UNC5A: variants seen among roughly 807,000 people sequenced by gnomAD.
UNC5A encodes unc-5 netrin receptor A.
UNC5A carries 20 observed loss-of-function variants against 87.4 expected under a neutral mutation model. That is an observed-to-expected ratio of 0.23 (90% CI 0.16 to 0.33). The LOEUF (loss-of-function observed/expected upper bound fraction) is 0.33. UNC5A is among the 10% of genes least tolerant of loss of function. UNC5A has a pLI of 1.00. For missense variants in UNC5A, 844 were observed against 1,133.4 expected (o/e 0.74, Z 3.67); for synonymous variants, 438 against 482.3 (o/e 0.91, Z 1.20).
In UNC5A at chr5:176,879,838, G is replaced by A; in HGVS notation, c.2481G>A (p.Leu827=). The A allele has an allele frequency of 6.2e-7, 1 of 1,612,492 alleles. No individual in the cohort carries two copies. The highest frequency in any genetic ancestry group is 8.5e-7 in the Non-Finnish European group (1 of 1,179,802). ...AGCTGGCTGCAGCAGTGGCTGGACTGGGCCAGCCAGACGCTGGCCTCTTCA... is the reference window on the plus strand; with the variant it reads ...AGCTGGCTGCAGCAGTGGCTGGACTAGGCCAGCCAGACGCTGGCCTCTTCA... ...LSQLAAAVAG[L]GQPDAGLFTV... The change falls in exon 15 of 15, where the codon CTG becomes CTA. Residue 827 remains leucine, a synonymous_variant. Coordinates refer to ENST00000329542, the MANE Select transcript of UNC5A (RefSeq NM_133369.3).
At chr5:176,856,969 T>G (rs1421373028) in intron 1 of UNC5A, among the ~76,000 whole-genome samples, 4 of 152,202 alleles carry the variant, frequency 2.6e-5, no homozygotes, top group Non-Finnish European at 5.9e-5. Flanking sequence ...CTCCCTGCTG[T>G]CCTCAAACAA....
intron 1 of UNC5A, among the ~76,000 whole-genome samples, chr5:176,861,198 G>A (rs1412641395): frequency 6.6e-6 from 1 of 152,334 alleles, no homozygotes; most frequent in Middle Eastern, 3.4e-3. Flanking sequence ...TGTGGAACAC[G>A]CAGAACCGTG....
Position 176,865,726 on chromosome 5 carries a change from G to T in UNC5A, c.293-2404G>T, listed in dbSNP as rs895202083. The T allele has an allele frequency of 2.2e-6, 1 of 455,366 alleles. No individual in the cohort carries two copies. Among genetic ancestry groups the T allele is most frequent in the Non-Finnish European group, 4.4e-6 (1 of 226,196 alleles). 28.2% of individuals were successfully genotyped at this position (455,366 alleles called of 1,614,324 possible). ...AAACGTTCTGTGGTCAGACAGGTAT[G>T]GCAGGGCTCGGAGGCCCACCCAGCT... On this transcript the variant is annotated intron_variant, in intron 2 of 14. Transcript: ENST00000329542. The surrounding 1 kb of genome is among the most constrained non-coding windows in gnomAD (Gnocchi z 5.3).
In UNC5A at chr5:176,869,789, C is replaced by T. The variant is rs768717798; in HGVS notation, c.722-581C>T. ...GCGCCACCCTGTGCCCAGGTACCAGCGGCCACCGCCTCCCGCATCGTTCCT... is the reference window on the plus strand; with the variant it reads ...GCGCCACCCTGTGCCCAGGTACCAGTGGCCACCGCCTCCCGCATCGTTCCT... On this transcript the variant is annotated intron_variant, in intron 5 of 14. Coordinates refer to ENST00000329542, the MANE Select transcript of UNC5A (RefSeq NM_133369.3). This position sits in a 1 kb window ranked among gnomAD's most constrained non-coding sequence, Gnocchi z 9.1. 45 of 585,938 alleles carry T rather than the reference C, an allele frequency of 7.7e-5. No homozygotes were observed. The highest frequency in any genetic ancestry group is 5.2e-4 in the Middle Eastern group (2 of 3,838). The allele number at this position is 585,938 out of a possible 1,614,324, so 36.3% of individuals were successfully genotyped here.
intron 1 of UNC5A, among the ~76,000 whole-genome samples, chr5:176,837,219 C>A (rs945130690): frequency 1.3e-5 from 2 of 152,202 alleles, no homozygotes; most frequent in African/African-American, 2.4e-5. Flanking sequence ...CAACTTCTGT[C>A]TCCAGCTTGC....
Position 176,880,169 on chromosome 5 carries a change from T to C in UNC5A, c.*283T>C, listed in dbSNP as rs1321458208. 9.9e-6 allele frequency: 4 copies of C among 403,892 alleles called. No individual in the cohort carries two copies. Among genetic ancestry groups the C allele is most frequent in the East Asian group, 4.6e-5 (1 of 21,780 alleles). The allele number at this position is 403,892 out of a possible 1,614,324, so 25.0% of individuals were successfully genotyped here. A position where few individuals can be genotyped will look rare whatever the true frequency, so the allele number is the denominator to read the frequency against. On this transcript the variant is annotated 3_prime_UTR_variant, in exon 15 of 15. Transcript: ENST00000329542. Reference sequence around the variant, plus strand: ...GGCCCAGCCCATCTGTGTGTGTGTATGTGCGTGTGATGCTACCTCTCCTCC... The same window carrying C: ...GGCCCAGCCCATCTGTGTGTGTGTACGTGCGTGTGATGCTACCTCTCCTCC...
At chr5:176,877,391 A>C (rs1758288830) in intron 9 of UNC5A, 112 bp downstream of exon 9, 6 of 1,352,884 alleles carry the variant, frequency 4.4e-6, no homozygotes, top group Non-Finnish European at 6.1e-6. Context: ...CGGCGGGGGA[A>C]AGAGCTATGC....
chr5:176,851,875 G>GAAA (rs1162000772), intron 1 of UNC5A, among the ~76,000 whole-genome samples: 4 of 152,206 alleles, frequency 2.6e-5, no homozygotes, highest in Non-Finnish European at 5.9e-5. Flanking sequence ...AATGGGGAGG[G>GAAA]TGCCCCCAGA....
intron 1 of UNC5A, among the ~76,000 whole-genome samples, chr5:176,835,505 G>A (rs948644997): frequency 4.6e-5 from 7 of 152,198 alleles, no homozygotes; most frequent in South Asian, 2.1e-4. Context: ...CAGAGCCTCC[G>A]ACTCATCGCT....
At position 176,848,645 on chromosome 5, in the gene UNC5A, G is replaced by A. The variant is rs1414172138; in HGVS notation, c.71-13979G>A. The stretch of plus-strand genomic sequence containing the variant: ...GGCAGCAGGGCCCAGGCTCCTTCCC[G>A]CCCAAATTTGGAATAGGAAGGCTGG... On this transcript the variant is annotated intron_variant, in intron 1 of 14. Coordinates refer to ENST00000329542, the MANE Select transcript of UNC5A (RefSeq NM_133369.3). This position sits in a 1 kb window ranked among gnomAD's most constrained non-coding sequence, Gnocchi z 5.8. Among the ~76,000 whole-genome samples the A allele has an allele frequency of 2.0e-5, 3 of 152,056 alleles. No individual in the cohort carries two copies. Among genetic ancestry groups the A allele is most frequent in the Non-Finnish European group, 4.4e-5 (3 of 67,998 alleles).
Position 176,874,745 on chromosome 5 carries a change from C to T in UNC5A, c.1378+179C>T, listed in dbSNP as rs1028363794. ...CGAGGCCGTGGCCAGAGCTGTCTTC[C>T]TCTTGTTGCCTGTGGGCACAAGGTA... On this transcript the variant is annotated intron_variant, in intron 8 of 14. Transcript: ENST00000329542. The surrounding 1 kb of genome is among the most constrained non-coding windows in gnomAD (Gnocchi z 7.6). Among the ~76,000 whole-genome samples the T allele has an allele frequency of 2.0e-5, 3 of 152,230 alleles. No individual in the cohort carries two copies. The highest frequency in any genetic ancestry group is 2.9e-5 in the Non-Finnish European group (2 of 68,036).
rs1758214182 is a variant in UNC5A at position 176,874,508 on chromosome 5, C to T, written c.1320C>T (p.Ser440=). 6.2e-7 allele frequency: 1 copy of T among 1,607,518 alleles called. No individual in the cohort carries two copies. The highest frequency in any genetic ancestry group is 1.3e-5 in the African/African-American group (1 of 74,928). Residue 440 remains serine, a synonymous_variant, in exon 8 of 15, where the codon AGC becomes AGT. Coordinates refer to ENST00000329542, the MANE Select transcript of UNC5A (RefSeq NM_133369.3). This position sits in a 1 kb window ranked among gnomAD's most constrained non-coding sequence, Gnocchi z 7.6. ...NYFRSLPRGT[S]NMTYGTFNFL... is the part of the protein sequence containing the mutation. ...TCCGCTCCCTGCCCCGAGGCACCAG[C>T]AACATGACCTATGGGACCTTCAACT... is the stretch of plus-strand genomic sequence containing the variant.
At position 176,875,558 on chromosome 5, in the gene UNC5A, G is replaced by C. The variant is rs1385525637; in HGVS notation, c.1378+992G>C. Among the ~76,000 whole-genome samples the C allele has an allele frequency of 6.6e-6, 1 of 151,938 alleles. No homozygotes were observed. The highest frequency in any genetic ancestry group is 1.5e-5 in the Non-Finnish European group (1 of 68,000). The stretch of plus-strand genomic sequence containing the variant: ...CCTCCCTTGCTGCCTCTCCTGACAC[G>C]GGCCACCAAACCCCTTACCTGGTTC... On this transcript the variant is annotated intron_variant, in intron 8 of 14. Transcript: ENST00000329542. This position sits in a 1 kb window ranked among gnomAD's most constrained non-coding sequence, Gnocchi z 5.2.
At chr5:176,833,558 G>A (rs1488226143) in intron 1 of UNC5A, among the ~76,000 whole-genome samples, 2 of 152,118 alleles carry the variant, frequency 1.3e-5, no homozygotes, top group Non-Finnish European at 1.5e-5. Context: ...CAATCTTTAG[G>A]CCATGGCCTG....
chr5:176,811,441 T>TGTGGCTCCTGGCC (rs1756451850), intron 1 of UNC5A, among the ~76,000 whole-genome samples: 1 of 152,222 alleles, frequency 6.6e-6, no homozygotes, highest in Non-Finnish European at 1.5e-5. Context: ...TGGCCGGGGC[T>TGTGGCTCCTGGCC]GTGGCTCCTG....
rs1312931262 is a variant in UNC5A at position 176,869,618 on chromosome 5, C to T, written c.721+654C>T. On this transcript the variant is annotated intron_variant, in intron 5 of 14. Coordinates refer to ENST00000329542, the MANE Select transcript of UNC5A (RefSeq NM_133369.3). The surrounding 1 kb of genome is among the most constrained non-coding windows in gnomAD (Gnocchi z 9.1). ...AGTCCTTCTCTGTCCGGCCAGTGAACGGTGGGTGGTCGACGTGGACCGAGT... is the reference window on the plus strand; with the variant it reads ...AGTCCTTCTCTGTCCGGCCAGTGAATGGTGGGTGGTCGACGTGGACCGAGT... 2.3e-5 allele frequency: 16 copies of T among 699,248 alleles called. No individual in the cohort carries two copies. The highest frequency in any genetic ancestry group is 8.1e-5 in the East Asian group (3 of 37,212). The allele number at this position is 699,248 out of a possible 1,614,324, so 43.3% of individuals were successfully genotyped here.
At chr5:176,829,881 C>CTTTTTTTTTTTTTTA (rs70991576) in intron 1 of UNC5A, among the ~76,000 whole-genome samples, 1 of 87,320 alleles carries the variant, frequency 1.1e-5, no homozygotes, top group African/African-American at 3.3e-5. Flanking sequence ...ATCACTGCTC[C>CTTTTTTTTTTTTTTA]TTTTTTTTTT....
rs146874698 is a variant in UNC5A, at chr5:176,814,294, C to T, written c.70+3474C>T. Among the ~76,000 whole-genome samples, 7 of 152,322 alleles carry T rather than the reference C, an allele frequency of 4.6e-5. No individual in the cohort carries two copies. The South Asian group carries it at 8.3e-4, about 18-fold the overall frequency. ...CCTTGGGCCCTTAGGAAAATACCTTCCTCCCTCGTCATCGCCCCACATCAG... is the reference window on the plus strand; with the variant it reads ...CCTTGGGCCCTTAGGAAAATACCTTTCTCCCTCGTCATCGCCCCACATCAG... On this transcript the variant is annotated intron_variant, in intron 1 of 14. Coordinates refer to ENST00000329542, the MANE Select transcript of UNC5A (RefSeq NM_133369.3).
intron 1 of UNC5A, among the ~76,000 whole-genome samples, chr5:176,831,914 T>A (rs1392210743): frequency 2.8e-5 from 3 of 108,104 alleles, no homozygotes; most frequent in Admixed American, 1.1e-4. Context: ...TTTTTTTTTT[T>A]GAGACAGAGT....
Sources: gnomAD v4.1 joint callset for allele counts (sites outside exome capture counted in the v4.1 genomes callset) on GRCh38, gnomAD v4.1.1 for gene constraint, Gnocchi (gnomAD v3.1) non-coding constraint, MANE v1.5 for transcripts, NCBI Gene and HGNC (gene_info 2026-07-23, HGNC 2026-07-21) for gene names.